Variants in CUBN observed in about 807,000 individuals in gnomAD.
CUBN encodes the protein cubilin, also known as 460 kDa receptor.
CUBN carries 282 observed loss-of-function variants against 405.3 expected under a neutral mutation model. The ratio of observed to expected loss-of-function variants is 0.70; its 90% confidence interval spans 0.63 to 0.77. The LOEUF is 0.77. CUBN is among the 30% of genes least tolerant of loss of function. The pLI, the probability that CUBN is intolerant of heterozygous loss-of-function variation, is 0.00. For missense variants in CUBN, 4,514 were observed against 4,475.2 expected, an observed-to-expected ratio of 1.01 and a Z score of -0.25; for synonymous variants, 1,684 against 1,617.0, an observed-to-expected ratio of 1.04 and a Z score of -0.99.
At chr10:17,067,691 C>G (rs1835641115) in intron 21 of CUBN, among the ~76,000 whole-genome samples, 2 of 152,098 alleles carry the variant, frequency 1.3e-5, no homozygotes, top group Non-Finnish European at 1.5e-5. Context: ...GAAAAACATT[C>G]AGTACGTATA....
chr10:17,035,195 G>T (rs1834868999), intron 27 of CUBN, among the ~76,000 whole-genome samples: 1 of 151,984 alleles, frequency 6.6e-6, no homozygotes, highest in South Asian at 2.1e-4. Context: ...ATTTTGGGGG[G>T]TGCAAAAAAG....
intron 54 of CUBN, among the ~76,000 whole-genome samples, chr10:16,898,729 C>T (rs1481810895): frequency 1.3e-5 from 2 of 152,062 alleles, no homozygotes; most frequent in Admixed American, 6.5e-5. Flanking sequence ...TTCAACGTTC[C>T]GTAATTTTTG....
At chr10:16,973,158 G>A (rs1226873141) in intron 31 of CUBN, among the ~76,000 whole-genome samples, 1 of 152,014 alleles carries the variant, frequency 6.6e-6, no homozygotes, top group Non-Finnish European at 1.5e-5. Flanking sequence ...ATTTCTTCAC[G>A]CTCCAGGGAC....
intron 4 of CUBN, among the ~76,000 whole-genome samples, chr10:17,124,618 C>T (rs867918992): frequency 3.5e-4 from 53 of 151,560 alleles, no homozygotes; most frequent in Admixed American, 6.6e-4. Context: ...TTAGTAGAGA[C>T]GGGGTTTCAC....
rs1307142113 is a variant in CUBN, at chr10:16,940,172, G to A, written c.5408C>T (p.Ala1803Val). Residue 1803 changes from alanine (A) to valine (V), a missense_variant, in exon 37 of 67, where the codon GCC becomes GTC. Ala to Val is a moderately conservative substitution (Grantham distance 64). This residue lies in a region of CUBN where 1,613 missense variants were observed against 1,542.8 expected (regional missense o/e 1.05). Transcript: ENST00000377833. Reference sequence around the variant, plus strand: ...GTATCGTCCCACCAAGTGACCCGTGGCATTTCCTTCACGGATCTCCACAAA... The same window carrying A: ...GTATCGTCCCACCAAGTGACCCGTGACATTTCCTTCACGGATCTCCACAAA... ...RDFVEIREGNATGHLVGRYCG... is the reference protein window; with the variant it reads ...RDFVEIREGNVTGHLVGRYCG... 2.5e-6 allele frequency: 4 copies of A among 1,614,078 alleles called. No individual in the cohort carries two copies. The South Asian group carries it at 4.4e-5, about 18-fold the overall frequency.
At chr10:17,091,494 C>G (rs1329098523) in intron 14 of CUBN, among the ~76,000 whole-genome samples, 1 of 152,024 alleles carries the variant, frequency 6.6e-6, no homozygotes. Context: ...ATATGAGTAA[C>G]TTCTATTCCA....
intron 31 of CUBN, among the ~76,000 whole-genome samples, chr10:16,978,545 T>G (rs746280976): frequency 1.3e-5 from 2 of 152,206 alleles, no homozygotes; most frequent in Non-Finnish European, 2.9e-5. Context: ...TCTTGTAAAA[T>G]AATATTGAAA....
In CUBN at chr10:16,903,655, A is replaced by T. The variant is rs2248584; in HGVS notation, c.8062+311T>A. On this transcript the variant is annotated intron_variant, in intron 51 of 66. Coordinates refer to ENST00000377833, the MANE Select transcript of CUBN (RefSeq NM_001081.4). ...AATTATTAAATAATAATTATTATTA[A>T]TAATTATTTATTATTATTAATTATT... 0.44 allele frequency among the ~76,000 whole-genome samples: 64,812 copies of T among 146,418 alleles called. 16,162 individuals are homozygous for T. The highest frequency in any genetic ancestry group is 0.59 in the Middle Eastern group (161 of 274).
chr10:16,945,668 T>C (rs1408758226), intron 36 of CUBN, among the ~76,000 whole-genome samples: 7 of 149,370 alleles, frequency 4.7e-5, no homozygotes, highest in Non-Finnish European at 1.0e-4. Context: ...CTCAGGAGGC[T>C]GAGGCAGGAG....
intron 30 of CUBN, 64 bp downstream of exon 30, chr10:16,984,041 C>T: frequency 6.4e-7 from 1 of 1,569,080 alleles, no homozygotes; most frequent in Non-Finnish European, 8.8e-7. Flanking sequence ...TTTTCCCAAG[C>T]ATTTCATGAA....
At chr10:16,900,988 CT>C (rs1372456252) in intron 52 of CUBN, 138 bp from the exon 53 acceptor site, 25 of 745,986 alleles carry the variant, frequency 3.4e-5, no homozygotes, top group Non-Finnish European at 5.4e-5. Flanking sequence ...CCCTTCCCCT[CT>C]ACTTTTTTTT....
At chr10:16,834,818 C>G (rs552140864) in intron 64 of CUBN, among the ~76,000 whole-genome samples, 196 bp downstream of exon 64, 1 of 152,126 alleles carries the variant, frequency 6.6e-6, no homozygotes, top group African/African-American at 2.4e-5. Context: ...GAGTCTCCTG[C>G]GGGCCCTAAG....
chr10:16,935,547 T>C (rs528418003), intron 39 of CUBN, among the ~76,000 whole-genome samples: 8 of 152,208 alleles, frequency 5.3e-5, no homozygotes, highest in South Asian at 2.1e-4. Context: ...TCAATAAATA[T>C]GCGTTGATTT....
chr10:17,064,207 T>A (rs549630745), intron 22 of CUBN, among the ~76,000 whole-genome samples: 2 of 152,310 alleles, frequency 1.3e-5, no homozygotes, highest in African/African-American at 4.8e-5. Context: ...ATTGATTGAT[T>A]CTCTCACACT....
intron 64 of CUBN, among the ~76,000 whole-genome samples, chr10:16,834,330 C>T (rs1471205912): frequency 1.3e-5 from 2 of 152,062 alleles, no homozygotes; most frequent in African/African-American, 4.8e-5. Context: ...GTTTCAGGCC[C>T]ACGAGGCGCA....
intron 37 of CUBN, among the ~76,000 whole-genome samples, chr10:16,939,604 G>C (rs959921566): frequency 2.6e-5 from 4 of 152,164 alleles, no homozygotes; most frequent in African/African-American, 7.2e-5. Context: ...ACTATTAGAA[G>C]AATCCCCTAT....
intron 33 of CUBN, among the ~76,000 whole-genome samples, chr10:16,951,956 A>AT (rs1308197638): frequency 6.6e-6 from 1 of 152,112 alleles, no homozygotes; most frequent in African/African-American, 2.4e-5. Flanking sequence ...CCCCAATCTC[A>AT]TACGCCTGCA....
intron 56 of CUBN, 38 bp from the exon 57 acceptor site, chr10:16,877,135 C>T (rs1382169517): frequency 6.4e-7 from 1 of 1,561,840 alleles, no homozygotes. Flanking sequence ...ATGATCAGAA[C>T]CTACACAAAC....
At chr10:16,840,027 G>A (rs1839293649) in intron 62 of CUBN, among the ~76,000 whole-genome samples, 2 of 145,218 alleles carry the variant, frequency 1.4e-5, no homozygotes, top group South Asian at 4.4e-4. Context: ...CGGAACACAT[G>A]GACACAGGAA....
Sources: allele counts gnomAD v4.1 joint callset (sites outside exome capture counted in the v4.1 genomes callset), GRCh38; gene constraint gnomAD v4.1.1; regional missense constraint gnomAD v4.1.1; transcripts MANE v1.5; gene names NCBI Gene and HGNC (gene_info 2026-07-23, HGNC 2026-07-21).